Variants in EGFL6 observed in about 807,000 individuals in gnomAD.
The protein encoded by EGFL6 is EGF like domain multiple 6, also known as epidermal growth factor-like protein 6.
In EGFL6, 42 loss-of-function variants were observed where a neutral mutation model predicts 43.1. The observed-to-expected ratio is 0.98, with a 90% confidence interval of 0.76 to 1.26. EGFL6 has a LOEUF of 1.26. EGFL6 is among the 50% of genes most tolerant of loss of function. EGFL6 has a pLI of 0.00. For synonymous variants in EGFL6, 164 were observed against 163.2 expected (o/e 1.01, Z -0.04); for missense variants, 429 against 427.8 (o/e 1.00, Z -0.02).
intron 11 of EGFL6, 117 bp from the exon 12 acceptor site, chrX:13,632,868 A>C: frequency 3.2e-6 from 2 of 616,194 alleles, no homozygotes; most frequent in Non-Finnish European, 5.2e-6. Flanking sequence ...CAGTATATTC[A>C]ATGTCGAAGC....
Position 13,627,171 on chromosome X carries a change from G to T in EGFL6, c.1446G>T (p.Val482=). The T allele has an allele frequency of 8.2e-7, 1 of 1,212,183 alleles. No homozygotes were observed. Among genetic ancestry groups the T allele is most frequent in the Non-Finnish European group, 1.1e-6 (1 of 895,642 alleles). ...AAGTCGGGAAACTTCGAGTGTTTGTGAAAAACAGTAACAATGCCCTGGCAT... is the reference window on the plus strand; with the variant it reads ...AAGTCGGGAAACTTCGAGTGTTTGTTAAAAACAGTAACAATGCCCTGGCAT... The part of the protein sequence containing the change: ...GDKVGKLRVF[V]KNSNNALAWE... The change falls in exon 11 of 12, where the codon GTG becomes GTT. Residue 482 remains valine (V), a synonymous_variant. Coordinates refer to ENST00000361306, the MANE Select transcript of EGFL6 (RefSeq NM_015507.4).
intron 7 of EGFL6, among the ~76,000 whole-genome samples, chrX:13,616,133 A>T (rs927996015): frequency 8.9e-6 from 1 of 112,077 alleles, no homozygotes; most frequent in Admixed American, 9.4e-5. Flanking sequence ...AGTGTATTTA[A>T]TTTTTTAAAA....
chrX:13,600,164 G>A lies in EGFL6; in HGVS notation c.400+70G>A, dbSNP rs182137706. Reference sequence around the variant, plus strand: ...TGGCTTTTGCCATTTGATGCTTGGGGAAAAGCTGACTTCAGTGATTTTTTA... The same window carrying A: ...TGGCTTTTGCCATTTGATGCTTGGGAAAAAGCTGACTTCAGTGATTTTTTA... On this transcript the variant is annotated intron_variant, in intron 4 of 11. Transcript: ENST00000361306. 1,644 of 1,078,756 alleles carry A rather than the reference G, an allele frequency of 1.5e-3. 17 individuals are homozygous for A. In the East Asian group the frequency reaches 0.029, roughly 19 times the overall value. 88.9% of individuals were successfully genotyped at this position (1,078,756 alleles called of 1,213,427 possible).
At chrX:13,577,337 TATATAC>T (rs1159620985) in intron 1 of EGFL6, among the ~76,000 whole-genome samples, 65 of 14,476 alleles carry the variant, frequency 4.5e-3, no homozygotes, top group South Asian at 0.029. Context: ...TATATATATA[TATATAC>T]ATACACACAC....
intron 7 of EGFL6, among the ~76,000 whole-genome samples, chrX:13,615,444 A>C (rs778533720): frequency 5.4e-5 from 6 of 111,996 alleles, no homozygotes; most frequent in Non-Finnish European, 3.8e-5. Flanking sequence ...GTTTCCTGTT[A>C]ATTTTTCTTG....
chrX:13,600,558 A>G (rs1392798338), intron 4 of EGFL6, among the ~76,000 whole-genome samples: 2 of 107,717 alleles, frequency 1.9e-5, no homozygotes, highest in African/African-American at 6.7e-5. Flanking sequence ...AAGTCCTGGG[A>G]TTACAGGCGT....
chrX:13,586,509 C>G (rs5935626), intron 1 of EGFL6, among the ~76,000 whole-genome samples: 43,533 of 109,988 alleles, frequency 0.4, 6,492 homozygotes, highest in South Asian at 0.46. Context: ...TGAGGGCACT[C>G]TTGGGTTGCA....
chrX:13,624,917 A>G (rs1198341927), intron 10 of EGFL6: 2 of 112,070 alleles, frequency 1.8e-5, no homozygotes, highest in South Asian at 3.7e-4. Context: ...TTTACTAAAG[A>G]TTCAGTGTAA....
chrX:13,592,249 C>T (rs762301064), intron 2 of EGFL6, among the ~76,000 whole-genome samples: 60 of 109,113 alleles, frequency 5.5e-4, no homozygotes, highest in African/African-American at 1.9e-3. Flanking sequence ...TTTCTAACAT[C>T]TGAATTTAAA....
intron 3 of EGFL6, 60 bp from the exon 4 acceptor site, chrX:13,599,915 C>T: frequency 8.5e-7 from 1 of 1,175,089 alleles, no homozygotes; most frequent in Admixed American, 2.2e-5. Context: ...GTCTAATATT[C>T]CCCATCTGGA....
At chrX:13,625,979 C>T (rs1022161940) in intron 10 of EGFL6, among the ~76,000 whole-genome samples, 3 of 109,767 alleles carry the variant, frequency 2.7e-5, no homozygotes, top group Non-Finnish European at 5.7e-5. Context: ...CAGCTCAAAG[C>T]GGACTTTATC....
Position 13,569,733 on chromosome X carries a change from C to G in EGFL6, c.-129C>G, listed in dbSNP as rs189352998. ...CCTCCCAGACTGCAGGGACAGCACC[C>G]GGTAACTGCGAGTGGAGCGGAGGAC... On this transcript the variant is annotated 5_prime_UTR_variant, in exon 1 of 12. Coordinates refer to ENST00000361306, the MANE Select transcript of EGFL6 (RefSeq NM_015507.4). 7.6e-3 allele frequency: 4,917 copies of G among 649,790 alleles called. 73 individuals carry two copies. The highest frequency in any genetic ancestry group is 0.072 in the East Asian group (2,126 of 29,610). 53.5% of individuals were successfully genotyped at this position (649,790 alleles called of 1,213,427 possible).
At chrX:13,594,484 G>A (rs1374417983) in intron 2 of EGFL6, among the ~76,000 whole-genome samples, 1 of 111,923 alleles carries the variant, frequency 8.9e-6, no homozygotes, top group African/African-American at 3.3e-5. Flanking sequence ...TCATTTAAAA[G>A]AGAAATGGAG....
chrX:13,600,486 C>T lies in EGFL6; in HGVS notation c.400+392C>T, dbSNP rs1240104214. On this transcript the variant is annotated intron_variant, in intron 4 of 11. Coordinates refer to ENST00000361306, the MANE Select transcript of EGFL6 (RefSeq NM_015507.4). ...ATTTTTAGTAGAGATGGGGTTTCTT[C>T]GTGTTGGTCAGGCTGGTCTCAAACT... Among the ~76,000 whole-genome samples the T allele has an allele frequency of 2.8e-5, 3 of 107,548 alleles. No individual in the cohort carries two copies. In the East Asian group the frequency reaches 8.8e-4, roughly 32 times the overall value. The allele number at this position is 107,548 out of a possible 115,157, so 93.4% of individuals were successfully genotyped here. A position where few individuals can be genotyped will look rare whatever the true frequency, so the allele number is the denominator to read the frequency against.
intron 1 of EGFL6, among the ~76,000 whole-genome samples, chrX:13,588,977 G>T (rs926900195): frequency 5.4e-5 from 6 of 111,958 alleles, no homozygotes; most frequent in Non-Finnish European, 1.1e-4. Context: ...TTTCCAGGAG[G>T]TCAATGGGAA....
intron 7 of EGFL6, 74 bp from the exon 8 acceptor site, chrX:13,617,656 T>C: frequency 1.0e-6 from 1 of 964,898 alleles, no homozygotes; most frequent in Non-Finnish European, 1.4e-6. Flanking sequence ...ACTTTAACAC[T>C]TTTTAAATGC....
Position 13,618,034 on chromosome X carries a change from C to A in EGFL6, c.1083C>A (p.Ser361Arg), listed in dbSNP as rs763925233. ...TGAAGAATGACATAGAGGAGCGAAG[C>A]CTGCGAGGAGATGTGTTTTGTGAGT... ...KALKNDIEER[S>R]LRGDVFFPKV... Residue 361 changes from serine (S) to arginine (R), a missense_variant, in exon 8 of 12, where the codon AGC becomes AGA. Coordinates refer to ENST00000361306, the MANE Select transcript of EGFL6 (RefSeq NM_015507.4). The A allele has an allele frequency of 3.0e-5, 36 of 1,191,052 alleles. No individual in the cohort carries two copies. Among genetic ancestry groups the A allele is most frequent in the Non-Finnish European group, 3.8e-5 (34 of 885,958 alleles).
At position 13,600,033 on chromosome X, in the gene EGFL6, C is replaced by T. The variant is rs778515412; in HGVS notation, c.339C>T (p.His113=). The T allele has an allele frequency of 1.5e-5, 18 of 1,210,666 alleles. No individual in the cohort carries two copies. In the South Asian group the frequency reaches 1.9e-4, roughly 13 times the overall value. The change falls in exon 4 of 12, where the codon CAC becomes CAT. Residue 113 remains histidine (H), a synonymous_variant. Transcript: ENST00000361306. Reference sequence around the variant, plus strand: ...GCCAACACAGATGTGTGAATACACACGGAAGCTACAAGTGCTTTTGCCTCA... The same window carrying T: ...GCCAACACAGATGTGTGAATACACATGGAAGCTACAAGTGCTTTTGCCTCA... ...RPCQHRCVNT[H]GSYKCFCLSG... is the part of the protein sequence containing the mutation.
chrX:13,583,210 C>T (rs2045517354), intron 1 of EGFL6, among the ~76,000 whole-genome samples: 1 of 110,755 alleles, frequency 9.0e-6, no homozygotes, highest in Non-Finnish European at 1.9e-5. Context: ...GCCACCAACT[C>T]CCCATGTTCT....
Sources: allele counts gnomAD v4.1 joint callset (sites outside exome capture counted in the v4.1 genomes callset), GRCh38; gene constraint gnomAD v4.1.1; transcripts MANE v1.5; gene names NCBI Gene and HGNC (gene_info 2026-07-23, HGNC 2026-07-21).